The following ZNF75D variants were observed in gnomAD, a reference collection of about 807,000 sequenced individuals.
ZNF75D encodes the protein zinc finger protein 75.
Under a neutral mutation model 33.3 loss-of-function variants are expected in ZNF75D, and 33 were observed. That is an observed-to-expected ratio of 0.99 (90% CI 0.75 to 1.32). The LOEUF is 1.32. Among genes scored for constraint, ZNF75D ranks in the 40% most tolerant of loss-of-function variants. The pLI is 0.00. For missense variants in ZNF75D, 338 were observed against 367.5 expected, an observed-to-expected ratio of 0.92 and a Z score of 0.66; for synonymous variants, 113 against 130.6, an observed-to-expected ratio of 0.87 and a Z score of 0.92.
rs1191122705 is a variant in ZNF75D at position 135,342,763 on chromosome X, T to C, written c.-1386A>G. 1 of 111,885 alleles carries C rather than the reference T, an allele frequency of 8.9e-6. No homozygotes were observed. Among genetic ancestry groups the C allele is most frequent in the Non-Finnish European group, 1.9e-5 (1 of 53,198 alleles). 9.2% of individuals were successfully genotyped at this position (111,885 alleles called of 1,213,427 possible). A position where few individuals can be genotyped will look rare whatever the true frequency, so the allele number is the denominator to read the frequency against. On this transcript the variant is annotated 5_prime_UTR_variant, in exon 1 of 7. Coordinates refer to ENST00000370766, the MANE Select transcript of ZNF75D (RefSeq NM_007131.5). The stretch of plus-strand genomic sequence containing the variant: ...AGCTCACAGTTTCAAGCACTAGCTG[T>C]GTGCCAGCAGTGCGATTATTACGGA...
rs1556425716 is a variant in ZNF75D at position 135,306,284 on chromosome X, TACATAC to T, written c.-390-10251_-390-10246del. Among the ~76,000 whole-genome samples the T allele has an allele frequency of 1.5e-4, 8 of 53,810 alleles. No homozygotes were observed. The South Asian group carries it at 5.1e-3, about 34-fold the overall frequency. 46.7% of individuals were successfully genotyped at this position (53,810 alleles called of 115,157 possible). On this transcript the variant is annotated intron_variant, in intron 1 of 6. Coordinates refer to ENST00000370766, the MANE Select transcript of ZNF75D (RefSeq NM_007131.5). The stretch of plus-strand genomic sequence containing the variant: ...CTTCAGGAAGACAGGACAACAGAGA[TACATAC>T]ACACACACACACACACACACACACA...
Position 135,292,265 on chromosome X carries a change from T to C in ZNF75D, c.604+16A>G, listed in dbSNP as rs782555069. ...CACAGCTCCCAGGAGAAGACAATTA[T>C]GATGAAGCTCCTCACCTCTTTCATA... On this transcript the variant is annotated intron_variant, in intron 4 of 6. Transcript: ENST00000370766. The C allele has an allele frequency of 1.7e-6, 2 of 1,199,174 alleles. No individual in the cohort carries two copies. The highest frequency in any genetic ancestry group is 1.8e-5 in the African/African-American group (1 of 57,040).
Position 135,342,330 on chromosome X carries a change from G to T in ZNF75D, c.-953C>A, listed in dbSNP as rs2084794126. 8.9e-6 allele frequency: 1 copy of T among 112,134 alleles called. No individual in the cohort carries two copies. 9.2% of individuals were successfully genotyped at this position (112,134 alleles called of 1,213,427 possible). ...TGGTGTATGATCTAGGAACCAACCT[G>T]CTATCACTTATCATCATGACAGGGC... On this transcript the variant is annotated 5_prime_UTR_variant, in exon 1 of 7. Coordinates refer to ENST00000370766, the MANE Select transcript of ZNF75D (RefSeq NM_007131.5).
intron 1 of ZNF75D, among the ~76,000 whole-genome samples, chrX:135,257,469 C>T (rs1483210724): frequency 5.3e-5 from 6 of 113,196 alleles, no homozygotes; most frequent in Admixed American, 1.9e-4. Context: ...AAAACTGTAT[C>T]GTAGTTGGAG....
intron 1 of ZNF75D, among the ~76,000 whole-genome samples, chrX:135,276,069 T>G (rs1166438634): frequency 1.8e-5 from 2 of 111,715 alleles, no homozygotes; most frequent in African/African-American, 6.5e-5. Flanking sequence ...GGTAAAAATT[T>G]CTTACCATTC....
chrX:135,287,177 A>G lies in ZNF75D; in HGVS notation c.1493T>C (p.Leu498Pro). 8.3e-7 allele frequency: 1 copy of G among 1,209,087 alleles called. No individual in the cohort carries two copies. Among genetic ancestry groups the G allele is most frequent in the South Asian group, 1.8e-5 (1 of 56,224 alleles). The change falls in exon 7 of 7, where the codon CTC becomes CCC. Residue 498 changes from leucine to proline, a missense_variant. By Grantham distance (98) the Leu-to-Pro change is moderately conservative. This residue lies in a region of ZNF75D where 79 missense variants were observed against 80.1 expected (regional missense o/e 0.99). Transcript: ENST00000370766. ...RRSSLLRHQK[L>P]HRRREACLVS... ...TAGACATGCTTCCCTTCTTCTGTGG[A>G]GTTTCTGGTGTCTAAGAAGGCTCGA... is the stretch of plus-strand genomic sequence containing the variant.
chrX:135,310,798 C>T (rs1238759987), intron 1 of ZNF75D, among the ~76,000 whole-genome samples: 7 of 111,452 alleles, frequency 6.3e-5, no homozygotes, highest in Non-Finnish European at 1.3e-4. Context: ...ATTTAACTCT[C>T]CTCCCTGTCC....
At chrX:135,320,787 A>G (rs781911372) in intron 1 of ZNF75D, among the ~76,000 whole-genome samples, 3 of 111,692 alleles carry the variant, frequency 2.7e-5, no homozygotes, top group East Asian at 5.6e-4. Context: ...ACGATGTACA[A>G]TTCTTCCAAT....
chrX:135,307,458 G>A (rs1424073259), intron 1 of ZNF75D, among the ~76,000 whole-genome samples: 3 of 111,469 alleles, frequency 2.7e-5, no homozygotes, highest in Non-Finnish European at 5.7e-5. Flanking sequence ...TGTCCTCACC[G>A]TTATCCCTCT....
At chrX:135,249,035 G>C (rs1251355428) in exon 4 of ZNF75D, 18 of 324,162 alleles carry the variant, frequency 5.6e-5, no homozygotes, top group Admixed American at 4.1e-4. Flanking sequence ...ATTGTGTGGC[G>C]TGTCGGCAAA....
chrX:135,300,861 G>A (rs1419854727), intron 1 of ZNF75D, among the ~76,000 whole-genome samples: 3 of 111,275 alleles, frequency 2.7e-5, no homozygotes, highest in Non-Finnish European at 5.7e-5. Context: ...CAAACAAAAA[G>A]CAAGCGCTTT....
chrX:135,311,207 T>C (rs1219548014), intron 1 of ZNF75D, among the ~76,000 whole-genome samples: 1 of 112,025 alleles, frequency 8.9e-6, no homozygotes, highest in Admixed American at 9.4e-5. Flanking sequence ...AGGCAGCACA[T>C]GGAATTTCAG....
intron 1 of ZNF75D, among the ~76,000 whole-genome samples, chrX:135,275,688 G>A (rs2083897196): frequency 9.1e-6 from 1 of 110,062 alleles, no homozygotes; most frequent in Non-Finnish European, 1.9e-5. Flanking sequence ...TTAGTTTCTA[G>A]TGGAAGGCTT....
chrX:135,293,704 T>G, intron 3 of ZNF75D, 26 bp downstream of exon 3: 1 of 1,143,551 alleles, frequency 8.7e-7, no homozygotes, highest in Non-Finnish European at 1.2e-6. Flanking sequence ...TACTTCATTG[T>G]ACATGTAGGC....
chrX:135,320,434 T>C (rs1307393289), intron 1 of ZNF75D, among the ~76,000 whole-genome samples: 3 of 111,994 alleles, frequency 2.7e-5, no homozygotes, highest in Non-Finnish European at 5.6e-5. Context: ...ATATATATCT[T>C]ATCATTATCT....
chrX:135,343,922 A>T lies in ZNF75D; in HGVS notation c.-2545T>A, dbSNP rs2084815274. The T allele has an allele frequency of 8.9e-6, 1 of 111,798 alleles. No individual in the cohort carries two copies. Among genetic ancestry groups the T allele is most frequent in the Non-Finnish European group, 1.9e-5 (1 of 53,154 alleles). 9.2% of individuals were successfully genotyped at this position (111,798 alleles called of 1,213,427 possible). The stretch of plus-strand genomic sequence containing the variant: ...TTTCGCTTCTACCAGGACCTCCGGG[A>T]GGCACAAAAGCAGGCAGCTTTCTCC... On this transcript the variant is annotated 5_prime_UTR_variant, in exon 1 of 7. Coordinates refer to ENST00000370766, the MANE Select transcript of ZNF75D (RefSeq NM_007131.5).
At chrX:135,338,539 G>A (rs1333452693) in intron 1 of ZNF75D, among the ~76,000 whole-genome samples, 4 of 112,122 alleles carry the variant, frequency 3.6e-5, no homozygotes, top group African/African-American at 1.3e-4. Flanking sequence ...TAATGTACAT[G>A]TAAGCATTTT....
At chrX:135,292,177 A>G in intron 4 of ZNF75D, 104 bp downstream of exon 4, 3 of 815,835 alleles carry the variant, frequency 3.7e-6, no homozygotes, top group Non-Finnish European at 5.4e-6. Flanking sequence ...GAGACATCAT[A>G]GCTGCTAGCA....
intron 1 of ZNF75D, among the ~76,000 whole-genome samples, chrX:135,261,930 G>A (rs1198256576): frequency 8.9e-6 from 1 of 112,057 alleles, no homozygotes; most frequent in African/African-American, 3.2e-5. Flanking sequence ...TGCAGTGACT[G>A]GTACTGGTTG....
Sources: gnomAD v4.1 joint callset for allele counts (sites outside exome capture counted in the v4.1 genomes callset) on GRCh38, gnomAD v4.1.1 for gene constraint, gnomAD v4.1.1 regional missense constraint, MANE v1.5 for transcripts, NCBI Gene and HGNC (gene_info 2026-07-23, HGNC 2026-07-21) for gene names.